Variants in REEP1 observed in about 807,000 individuals in gnomAD.
REEP1 encodes the protein receptor accessory protein 1.
A neutral mutation model predicts 40.3 loss-of-function variants in REEP1; 22 were observed. The observed-to-expected ratio is 0.55, with a 90% CI of 0.39 to 0.78. REEP1 has a LOEUF of 0.78. REEP1 is among the 30% of genes least tolerant of loss of function. The pLI is 0.00. For synonymous variants in REEP1, 116 were observed against 139.2 expected, an observed-to-expected ratio of 0.83 and a Z score of 1.17; for missense variants, 280 against 361.1, an observed-to-expected ratio of 0.78 and a Z score of 1.82.
At chr2:86,271,154 T>G (rs1222023585) in intron 2 of REEP1, among the ~76,000 whole-genome samples, 1 of 152,070 alleles carries the variant, frequency 6.6e-6, no homozygotes, top group Non-Finnish European at 1.5e-5. Flanking sequence ...ATCATGCCAC[T>G]GCACTCCAGC....
chr2:86,325,099 G>A (rs1296200726), intron 1 of REEP1, among the ~76,000 whole-genome samples: 3 of 152,096 alleles, frequency 2.0e-5, no homozygotes, highest in African/African-American at 7.2e-5. Context: ...TAAGATGTTA[G>A]AAGCCAGGTG....
At chr2:86,249,033 C>T (rs1193879896) in intron 5 of REEP1, among the ~76,000 whole-genome samples, 1 of 151,944 alleles carries the variant, frequency 6.6e-6, no homozygotes, top group African/African-American at 2.4e-5. Context: ...CTGAGGCGGG[C>T]GGATCACCTG....
At chr2:86,277,562 A>T (rs1463482350) in intron 2 of REEP1, among the ~76,000 whole-genome samples, 1 of 151,924 alleles carries the variant, frequency 6.6e-6, no homozygotes, top group Non-Finnish European at 1.5e-5. Context: ...TATCAAAAAA[A>T]AAAAAAAAAA....
At chr2:86,240,766 C>T (rs147479241) in intron 5 of REEP1, among the ~76,000 whole-genome samples, 38 of 152,322 alleles carry the variant, frequency 2.5e-4, no homozygotes, top group African/African-American at 8.2e-4. Context: ...AGATATGCCA[C>T]GTGGCACATA....
intron 1 of REEP1, among the ~76,000 whole-genome samples, chr2:86,299,022 A>G (rs1679138886): frequency 6.6e-6 from 1 of 152,218 alleles, no homozygotes; most frequent in Non-Finnish European, 1.5e-5. Context: ...AACTGACTCT[A>G]TTCTTGATAG....
chr2:86,220,195 G>C, intron 7 of REEP1, 74 bp from the exon 8 acceptor site: 3 of 1,092,666 alleles, frequency 2.7e-6, no homozygotes, highest in Non-Finnish European at 3.5e-6. Context: ...GAGCAGGGAA[G>C]GGCAAGGTTA....
chr2:86,250,606 C>T (rs1293848424), intron 5 of REEP1, among the ~76,000 whole-genome samples: 2 of 152,112 alleles, frequency 1.3e-5, no homozygotes, highest in Admixed American at 1.3e-4. Context: ...AGTAAAGGGG[C>T]AGAGACCCCC....
chr2:86,337,703 C>T (rs1323907264), upstream of REEP1: 4 of 979,134 alleles, frequency 4.1e-6, no homozygotes, highest in Non-Finnish European at 4.9e-6. The surrounding 1 kb of genome is among the most constrained non-coding windows in gnomAD (Gnocchi z 5.8). Context: ...GGCGGCGGCC[C>T]CAGCCCCCCG....
intron 5 of REEP1, among the ~76,000 whole-genome samples, chr2:86,246,017 G>A (rs1472442949): frequency 6.6e-6 from 1 of 152,238 alleles, no homozygotes; most frequent in African/African-American, 2.4e-5. Context: ...GCCCGCCTTG[G>A]CCTCCCAAAG....
At chr2:86,244,937 G>A (rs1675851115) in intron 5 of REEP1, among the ~76,000 whole-genome samples, 1 of 152,208 alleles carries the variant, frequency 6.6e-6, no homozygotes, top group Non-Finnish European at 1.5e-5. Flanking sequence ...CTGAGGTCAG[G>A]AGTTCAAGAC....
At chr2:86,225,375 G>A (rs11900697) in intron 7 of REEP1, among the ~76,000 whole-genome samples, 10,018 of 152,236 alleles carry the variant, frequency 0.066, 1,099 homozygotes, top group African/African-American at 0.23. Flanking sequence ...GGATTCAAGC[G>A]ATTGTCCTGC....
At chr2:86,219,109 G>A (rs1412323633) in intron 8 of REEP1, among the ~76,000 whole-genome samples, 2 of 152,174 alleles carry the variant, frequency 1.3e-5, no homozygotes, top group Admixed American at 1.3e-4. Flanking sequence ...CCTGCTGCCA[G>A]AACTCCATCC....
chr2:86,311,644 A>C (rs1679769899), intron 1 of REEP1, among the ~76,000 whole-genome samples: 2 of 152,160 alleles, frequency 1.3e-5, no homozygotes, highest in African/African-American at 4.8e-5. Flanking sequence ...TAAGGATACC[A>C]ATCACTGGAT....
At chr2:86,267,427 G>C (rs1158910187) in intron 2 of REEP1, among the ~76,000 whole-genome samples, 1 of 152,198 alleles carries the variant, frequency 6.6e-6, no homozygotes, top group Non-Finnish European at 1.5e-5. Flanking sequence ...ATGCAGAACT[G>C]TGAGTCAATT....
intron 1 of REEP1, among the ~76,000 whole-genome samples, chr2:86,313,264 T>G (rs2104491369): frequency 6.6e-6 from 1 of 151,742 alleles, no homozygotes; most frequent in African/African-American, 2.4e-5. Context: ...ACTACAGGCA[T>G]GTACCACCAT....
At chr2:86,256,347 C>CAAAAA (rs35885517) in intron 3 of REEP1, among the ~76,000 whole-genome samples, 1 of 100,310 alleles carries the variant, frequency 1.0e-5, no homozygotes, top group African/African-American at 3.8e-5. Context: ...GATTCCATCT[C>CAAAAA]AAAAAAAAAA....
chr2:86,291,329 G>A (rs1041869702), intron 1 of REEP1, among the ~76,000 whole-genome samples: 2 of 152,180 alleles, frequency 1.3e-5, no homozygotes, highest in Admixed American at 1.3e-4. Context: ...ACAGGTGACA[G>A]TATAATTTTA....
Position 86,216,882 on chromosome 2 carries a change from AAATC to A in REEP1, c.*153_*156del. 1 of 642,492 alleles carries A rather than the reference AAATC, an allele frequency of 1.6e-6. No homozygotes were observed. The highest frequency in any genetic ancestry group is 2.8e-5 in the East Asian group (1 of 36,068). 39.8% of individuals were successfully genotyped at this position (642,492 alleles called of 1,614,324 possible). A position where few individuals can be genotyped will look rare whatever the true frequency, so the allele number is the denominator to read the frequency against. On this transcript the variant is annotated 3_prime_UTR_variant, in exon 9 of 9. Coordinates refer to ENST00000538924, the MANE Select transcript of REEP1 (RefSeq NM_001371279.1). ...AAATAAAGAAAAGGGGGAAAAAAAT[AAATC>A]CTTAAAAGTGGAAGGGGAGAGAGAA...
chr2:86,230,762 A>C (rs1286626485), intron 6 of REEP1, among the ~76,000 whole-genome samples: 1 of 152,238 alleles, frequency 6.6e-6, no homozygotes, highest in Non-Finnish European at 1.5e-5. Context: ...TTCCTTGTGT[A>C]GATAAGAAAT....
Sources: gnomAD v4.1 joint callset for allele counts (sites outside exome capture counted in the v4.1 genomes callset) on GRCh38, gnomAD v4.1.1 for gene constraint, Gnocchi (gnomAD v3.1) non-coding constraint, MANE v1.5 for transcripts, NCBI Gene and HGNC (gene_info 2026-07-23, HGNC 2026-07-21) for gene names.